TRMT1L: variants seen among roughly 807,000 people sequenced by gnomAD.
TRMT1L encodes the protein tRNA (guanine(27)-N(2))-dimethyltransferase.
In TRMT1L, 28 loss-of-function variants were observed where a neutral mutation model predicts 81.6. That is an observed-to-expected ratio of 0.34 (90% confidence interval 0.25 to 0.47). The LOEUF is 0.47. Among genes scored for constraint, TRMT1L ranks in the 20% least tolerant of loss-of-function variants. The pLI, the probability that TRMT1L is intolerant of heterozygous loss-of-function variation, is 1.00. For missense variants in TRMT1L, 739 were observed against 877.1 expected, an observed-to-expected ratio of 0.84 and a Z score of 1.99; for synonymous variants, 301 against 303.2, an observed-to-expected ratio of 0.99 and a Z score of 0.07.
intron 10 of TRMT1L, 95 bp downstream of exon 10, chr1:185,137,511 A>T: frequency 7.8e-7 from 1 of 1,283,740 alleles, no homozygotes; most frequent in Non-Finnish European, 1.1e-6. Context: ...TGTAATCTTT[A>T]AAATCAAAGG....
chr1:185,131,085 C>T lies in TRMT1L; in HGVS notation c.1514-2338G>A, dbSNP rs867559972. ...TGCGATCTTGGCTCACTGCAAGCTC[C>T]GCCTCCCAGGTTCACGCCATTCTCC... On this transcript the variant is annotated intron_variant, in intron 10 of 14. Coordinates refer to ENST00000367506, the MANE Select transcript of TRMT1L (RefSeq NM_030934.5). Among the ~76,000 whole-genome samples, 9 of 152,054 alleles carry T rather than the reference C, an allele frequency of 5.9e-5. No individual in the cohort carries two copies. In the Middle Eastern group the frequency reaches 0.02, roughly 345 times the overall value.
chr1:185,155,588 T>C (rs1238845721), intron 1 of TRMT1L, among the ~76,000 whole-genome samples: 6 of 152,190 alleles, frequency 3.9e-5, no homozygotes, highest in Non-Finnish European at 7.3e-5. Context: ...GAAAAAATAA[T>C]GAATTAAAGA....
At chr1:185,122,307 A>G (rs1652519246) in intron 13 of TRMT1L, among the ~76,000 whole-genome samples, 1 of 152,198 alleles carries the variant, frequency 6.6e-6, no homozygotes, top group Non-Finnish European at 1.5e-5. Context: ...TCATTTTAAG[A>G]TTTTATGTGT....
intron 7 of TRMT1L, among the ~76,000 whole-genome samples, chr1:185,141,577 G>A (rs1425086207): frequency 1.3e-5 from 2 of 152,084 alleles, no homozygotes; most frequent in African/African-American, 4.8e-5. Flanking sequence ...GGTGGTAGGC[G>A]CCTGTCATCC....
intron 7 of TRMT1L, 72 bp downstream of exon 7, chr1:185,143,285 T>C (rs1307772593): frequency 2.2e-6 from 3 of 1,358,514 alleles, no homozygotes; most frequent in Non-Finnish European, 3.1e-6. Flanking sequence ...ACTGCCCATA[T>C]ATATTTTCTA....
At chr1:185,146,972 T>G (rs1304079987) in intron 4 of TRMT1L, among the ~76,000 whole-genome samples, 1 of 152,032 alleles carries the variant, frequency 6.6e-6, no homozygotes, top group African/African-American at 2.4e-5. Context: ...TGACTTAAAC[T>G]AAAAACTGTA....
intron 2 of TRMT1L, among the ~76,000 whole-genome samples, chr1:185,150,914 C>T (rs2102258934): frequency 6.6e-6 from 1 of 152,152 alleles, no homozygotes; most frequent in South Asian, 2.1e-4. Context: ...ACTAAACTGG[C>T]AACAACAAAA....
At position 185,120,435 on chromosome 1, in the gene TRMT1L, G is replaced by C. The variant is rs1186933884; in HGVS notation, c.1897C>G (p.Pro633Ala). 6.2e-7 allele frequency: 1 copy of C among 1,602,642 alleles called. No individual in the cohort carries two copies. Among genetic ancestry groups the C allele is most frequent in the Non-Finnish European group, 8.5e-7 (1 of 1,175,648 alleles). Reference sequence around the variant, plus strand: ...TGTCTGTGAATGTTGTAATAAAAGGGAGGATGTTCAGTACTGACATCAGTC... The same window carrying C: ...TGTCTGTGAATGTTGTAATAAAAGGCAGGATGTTCAGTACTGACATCAGTC... ...QKTDVSTEHP[P>A]FYYNIHRHSI... Residue 633 changes from proline to alanine, a missense_variant, in exon 14 of 15, where the codon CCC (proline) becomes GCC (alanine). Coordinates refer to ENST00000367506, the MANE Select transcript of TRMT1L (RefSeq NM_030934.5).
At chr1:185,124,245 A>G (rs960771966) in intron 12 of TRMT1L, among the ~76,000 whole-genome samples, 1 of 152,168 alleles carries the variant, frequency 6.6e-6, no homozygotes. Context: ...CTTCATAGAT[A>G]TTACAATTTT....
intron 8 of TRMT1L, 128 bp from the exon 9 acceptor site, chr1:185,139,707 A>G (rs1557989118): frequency 1.3e-6 from 1 of 774,324 alleles, no homozygotes. Flanking sequence ...TAAGTACATA[A>G]TTCTGTTTTG....
In TRMT1L at chr1:185,135,447, A is replaced by G. The variant is rs183586078; in HGVS notation, c.1513+2159T>C. 1.1e-3 allele frequency among the ~76,000 whole-genome samples: 166 copies of G among 151,806 alleles called. 1 individual carries two copies. The highest frequency in any genetic ancestry group is 3.7e-3 in the African/African-American group (155 of 41,468). ...AAAAAAAAAGAAAGAAAAACAAACA[A>G]TTACAATAAAATATTTAAAGCAGCC... On this transcript the variant is annotated intron_variant, in intron 10 of 14. Transcript: ENST00000367506.
intron 1 of TRMT1L, among the ~76,000 whole-genome samples, chr1:185,154,053 A>T (rs1322933875): frequency 6.6e-6 from 1 of 152,198 alleles, no homozygotes; most frequent in Non-Finnish European, 1.5e-5. Context: ...TGCAGATAGG[A>T]GGCACTAAAG....
At chr1:185,123,080 T>G (rs914936074) in intron 13 of TRMT1L, among the ~76,000 whole-genome samples, 2 of 152,200 alleles carry the variant, frequency 1.3e-5, no homozygotes, top group African/African-American at 4.8e-5. Context: ...ATCAAATTAG[T>G]TGAAGATGCC....
chr1:185,149,189 T>C (rs938217570), intron 3 of TRMT1L, among the ~76,000 whole-genome samples: 2 of 152,180 alleles, frequency 1.3e-5, no homozygotes, highest in Non-Finnish European at 2.9e-5. Context: ...TCATGGTATG[T>C]ATATACCATA....
chr1:185,128,888 A>C, intron 10 of TRMT1L, 141 bp from the exon 11 acceptor site: 1 of 692,910 alleles, frequency 1.4e-6, no homozygotes, highest in Non-Finnish European at 2.4e-6. Context: ...TATTTTATGT[A>C]TGTATATATG....
intron 1 of TRMT1L, among the ~76,000 whole-genome samples, chr1:185,156,102 T>C (rs978313316): frequency 1.3e-5 from 2 of 152,182 alleles, no homozygotes; most frequent in South Asian, 2.1e-4. Flanking sequence ...GGTTACTATG[T>C]CACATTTGAA....
chr1:185,139,892 C>A (rs752279322), intron 8 of TRMT1L, 81 bp downstream of exon 8: 1 of 1,445,514 alleles, frequency 6.9e-7, no homozygotes, highest in Non-Finnish European at 9.3e-7. Flanking sequence ...CAACAAAAAA[C>A]TGTCTTAATT....
At chr1:185,133,172 C>T (rs1652815447) in intron 10 of TRMT1L, among the ~76,000 whole-genome samples, 1 of 152,082 alleles carries the variant, frequency 6.6e-6, no homozygotes, top group African/African-American at 2.4e-5. Flanking sequence ...GTATTAATTC[C>T]AGAGTTACCG....
At chr1:185,151,766 T>C in intron 2 of TRMT1L, 59 bp downstream of exon 2, 4 of 1,142,538 alleles carry the variant, frequency 3.5e-6, no homozygotes, top group Non-Finnish European at 3.7e-6. Context: ...TTTTTGTGAA[T>C]TGAAAGATGA....
Sources: gnomAD v4.1 joint callset for allele counts (sites outside exome capture counted in the v4.1 genomes callset) on GRCh38, gnomAD v4.1.1 for gene constraint, MANE v1.5 for transcripts, NCBI Gene and HGNC (gene_info 2026-07-23, HGNC 2026-07-21) for gene names.